The following GLUL variants were observed in gnomAD, a reference collection of about 807,000 sequenced individuals.
GLUL encodes the protein glutamine synthetase.
In GLUL, 8 loss-of-function variants were observed where a neutral mutation model predicts 36.9. The observed-to-expected ratio is 0.22, with a 90% confidence interval of 0.13 to 0.39. The LOEUF (loss-of-function observed/expected upper bound fraction) is 0.39, where lower values mean the gene tolerates loss of function less well. Ranked by LOEUF, GLUL falls within the 10% of genes least tolerant of loss-of-function variation. The pLI is 1.00. For missense variants in GLUL, 315 were observed against 501.8 expected (o/e 0.63, Z 3.56); for synonymous variants, 182 against 172.8 (o/e 1.05, Z -0.42).
rs930734751 is a variant in GLUL, at chr1:182,380,024, A to G, written c.*4381T>C. Among the ~76,000 whole-genome samples the G allele has an allele frequency of 6.6e-6, 1 of 151,072 alleles. No homozygotes were observed. The highest frequency in any genetic ancestry group is 1.5e-5 in the Non-Finnish European group (1 of 67,838). On this transcript the variant is annotated 3_prime_UTR_variant, in exon 7 of 7. Coordinates refer to ENST00000331872, the MANE Select transcript of GLUL (RefSeq NM_001033044.4). ...CACGCCCGGCTAATTTTTTGTATTT[A>G]GTAGAGACACAGCTTGTTTCACCAT...
Position 182,384,784 on chromosome 1 carries a change from A to C in GLUL, c.804-61T>G, listed in dbSNP as rs1650099590. On this transcript the variant is annotated intron_variant, in intron 6 of 6. Transcript: ENST00000331872. ...TCTCCAGGTATGGAGCCAAGAATGAAGTGCACCAAAATATGATACCAGTAG... is the reference window on the plus strand; with the variant it reads ...TCTCCAGGTATGGAGCCAAGAATGACGTGCACCAAAATATGATACCAGTAG... 3.3e-6 allele frequency: 4 copies of C among 1,223,692 alleles called. No individual in the cohort carries two copies. In the East Asian group the frequency reaches 9.3e-5, roughly 28 times the overall value. The allele number at this position is 1,223,692 out of a possible 1,614,324, so 75.8% of individuals were successfully genotyped here.
intron 4 of GLUL, 50 bp downstream of exon 4, chr1:182,386,206 G>T: frequency 6.5e-7 from 1 of 1,548,958 alleles, no homozygotes; most frequent in Non-Finnish European, 8.9e-7. Context: ...GGGCATTCCT[G>T]CACAGTTAGA....
rs916657978 is a variant in GLUL at position 182,381,953 on chromosome 1, C to G, written c.*2452G>C. On this transcript the variant is annotated 3_prime_UTR_variant, in exon 7 of 7. Transcript: ENST00000331872. ...CCAGCAAGCTAATAGGTAGATGACT[C>G]TACTTTGAATATTAAATCATATTAC... 7.9e-5 allele frequency: 12 copies of G among 152,180 alleles called. No homozygotes were observed. Among genetic ancestry groups the G allele is most frequent in the African/African-American group, 2.9e-4 (12 of 41,446 alleles). The allele number at this position is 152,180 out of a possible 1,614,324, so 9.4% of individuals were successfully genotyped here.
chr1:182,389,841 A>AT (rs1429703238), intron 1 of GLUL: 1 of 152,336 alleles, frequency 6.6e-6, no homozygotes, highest in Non-Finnish European at 1.5e-5. Flanking sequence ...AGCTGAAAAC[A>AT]TAACTGCTTC....
At position 182,379,249 on chromosome 1, in the gene GLUL, G is replaced by A. The variant is rs995502659; in HGVS notation, c.*5156C>T. Among the ~76,000 whole-genome samples, 5 of 152,040 alleles carry A rather than the reference G, an allele frequency of 3.3e-5. No individual in the cohort carries two copies. Among genetic ancestry groups the A allele is most frequent in the Admixed American group, 3.3e-4 (5 of 15,262 alleles). ...TATTTATTTGTTTATTTTTTGATAT[G>A]TCTCACTCTTTTGCCCAGGCTGGAG... On this transcript the variant is annotated 3_prime_UTR_variant, in exon 7 of 7. Coordinates refer to ENST00000331872, the MANE Select transcript of GLUL (RefSeq NM_001033044.4).
Position 182,387,161 on chromosome 1 carries a change from C to T in GLUL, c.298G>A (p.Glu100Lys). 6.2e-7 allele frequency: 1 copy of T among 1,613,998 alleles called. No individual in the cohort carries two copies. Among genetic ancestry groups the T allele is most frequent in the Non-Finnish European group, 8.5e-7 (1 of 1,179,888 alleles). ...RKDPNKLVLCEVFKYNRRPAE... is the reference protein window; with the variant it reads ...RKDPNKLVLCKVFKYNRRPAE... ...GGCCTTCGATTGTACTTGAAAACTT[C>T]ACATAACACCAGCTTGTTAGGGTCC... Residue 100 changes from glutamate (E) to lysine (K), a missense_variant, in exon 3 of 7, where the codon GAA becomes AAA. Coordinates refer to ENST00000331872, the MANE Select transcript of GLUL (RefSeq NM_001033044.4).
intron 3 of GLUL, 180 bp downstream of exon 3, chr1:182,386,951 A>G: frequency 1.5e-6 from 1 of 669,248 alleles, no homozygotes. Context: ...AAGACCATAG[A>G]AAGATGGGCC....
intron 1 of GLUL, chr1:182,389,690 A>G (rs1650326779): frequency 6.6e-6 from 1 of 152,282 alleles, no homozygotes; most frequent in Non-Finnish European, 1.5e-5. Context: ...CAACAGCCGA[A>G]GAGGAAACAT....
chr1:182,391,097 C>A (rs1235879470), intron 1 of GLUL: 2 of 398,428 alleles, frequency 5.0e-6, no homozygotes, highest in East Asian at 3.6e-5. Context: ...CGCCGAGGCC[C>A]GGGCTCTCCA....
chr1:182,383,612 G>A lies in GLUL; in HGVS notation c.*793C>T, dbSNP rs1472322876. 1 of 152,228 alleles carries A rather than the reference G, an allele frequency of 6.6e-6. No homozygotes were observed. Among genetic ancestry groups the A allele is most frequent in the Admixed American group, 6.5e-5 (1 of 15,284 alleles). 9.4% of individuals were successfully genotyped at this position (152,228 alleles called of 1,614,324 possible). A position where few individuals can be genotyped will look rare whatever the true frequency, so the allele number is the denominator to read the frequency against. On this transcript the variant is annotated 3_prime_UTR_variant, in exon 7 of 7. Transcript: ENST00000331872. ...ACTTCCCTTGCTCTCTACTCAAAAT[G>A]AGATGCTTTATTTCTAATCCGACTA...
Position 182,384,641 on chromosome 1 carries a change from T to C in GLUL, c.886A>G (p.Asn296Asp). ...RAYDPKGGLD[N>D]ARRLTGFHET... ...TGGAATCCAGTTAGACGTCGGGCATTGTCCAGGCCTCCCTTGGGATCATAG... is the reference window on the plus strand; with the variant it reads ...TGGAATCCAGTTAGACGTCGGGCATCGTCCAGGCCTCCCTTGGGATCATAG... The change falls in exon 7 of 7, where the codon AAT becomes GAT. Residue 296 changes from asparagine (N) to aspartate (D), a missense_variant. Physicochemically the swap from Asn to Asp is conservative, Grantham distance 23. Around this residue, in one of 3 missense-constraint regions of GLUL, gnomAD observed 256 missense variants for 396.1 expected, o/e 0.65. Transcript: ENST00000331872. The C allele has an allele frequency of 6.2e-7, 1 of 1,614,150 alleles. No individual in the cohort carries two copies. Among genetic ancestry groups the C allele is most frequent in the East Asian group, 2.2e-5 (1 of 44,886 alleles).
In GLUL at chr1:182,381,967, A is replaced by C. The variant is rs1649945968; in HGVS notation, c.*2438T>G. ...GGTAGATGACTCTACTTTGAATATT[A>C]AATCATATTACGAGCCAACTTTCTT... On this transcript the variant is annotated 3_prime_UTR_variant, in exon 7 of 7. Coordinates refer to ENST00000331872, the MANE Select transcript of GLUL (RefSeq NM_001033044.4). The C allele has an allele frequency of 6.6e-6, 1 of 152,256 alleles. No individual in the cohort carries two copies. Among genetic ancestry groups the C allele is most frequent in the African/African-American group, 2.4e-5 (1 of 41,470 alleles). The allele number at this position is 152,256 out of a possible 1,614,324, so 9.4% of individuals were successfully genotyped here.
At position 182,382,475 on chromosome 1, in the gene GLUL, G is replaced by C. The variant is rs904344194; in HGVS notation, c.*1930C>G. On this transcript the variant is annotated 3_prime_UTR_variant, in exon 7 of 7. Transcript: ENST00000331872. ...TGGAAGGCTTCAACCAGGGTAGCAG[G>C]GTAGCTAATATTTGTTTCTTATCAC... 5 of 105,662 alleles carry C rather than the reference G, an allele frequency of 4.7e-5. No individual in the cohort carries two copies. Among genetic ancestry groups the C allele is most frequent in the African/African-American group, 1.7e-4 (4 of 23,778 alleles). 6.5% of individuals were successfully genotyped at this position (105,662 alleles called of 1,614,324 possible). A position where few individuals can be genotyped will look rare whatever the true frequency, so the allele number is the denominator to read the frequency against.
rs1649816686 is a variant in GLUL at position 182,378,666 on chromosome 1, T to C, written c.*5739A>G. 6.6e-6 allele frequency among the ~76,000 whole-genome samples: 1 copy of C among 152,252 alleles called. No individual in the cohort carries two copies. The highest frequency in any genetic ancestry group is 1.5e-5 in the Non-Finnish European group (1 of 68,050). ...GTATCTTGGGCAAAAGACATATGTATTGTGCTTGTATTGTGTATCTAATGT... is the reference window on the plus strand; with the variant it reads ...GTATCTTGGGCAAAAGACATATGTACTGTGCTTGTATTGTGTATCTAATGT... On this transcript the variant is annotated 3_prime_UTR_variant, in exon 7 of 7. Coordinates refer to ENST00000331872, the MANE Select transcript of GLUL (RefSeq NM_001033044.4).
At position 182,383,288 on chromosome 1, in the gene GLUL, A is replaced by G. The variant is rs957044989; in HGVS notation, c.*1117T>C. The G allele has an allele frequency of 5.3e-5, 8 of 152,232 alleles. No individual in the cohort carries two copies. The highest frequency in any genetic ancestry group is 1.2e-4 in the Non-Finnish European group (8 of 68,038). The allele number at this position is 152,232 out of a possible 1,614,324, so 9.4% of individuals were successfully genotyped here. A position where few individuals can be genotyped will look rare whatever the true frequency, so the allele number is the denominator to read the frequency against. ...AAATTTGATTAAAATCTAAACTTCT[A>G]TAATTTTGCTTTTTAAAAAATTTAA... On this transcript the variant is annotated 3_prime_UTR_variant, in exon 7 of 7. Coordinates refer to ENST00000331872, the MANE Select transcript of GLUL (RefSeq NM_001033044.4).
At chr1:182,385,581 A>T (rs768051332) in intron 5 of GLUL, 25 bp from the exon 6 acceptor site, 3 of 1,606,826 alleles carry the variant, frequency 1.9e-6, no homozygotes, top group Admixed American at 3.3e-5. Flanking sequence ...CTTGGCCATT[A>T]AAACAAAGCT....
rs538544241 is a variant in GLUL at position 182,378,773 on chromosome 1, T to C, written c.*5632A>G. 2.0e-5 allele frequency among the ~76,000 whole-genome samples: 3 copies of C among 152,316 alleles called. No homozygotes were observed. The highest frequency in any genetic ancestry group is 7.2e-5 in the African/African-American group (3 of 41,544). ...GGACATATATCTGCATATTGTAAAA[T>C]GAAATAGAATTTTTTTTTTCTTGAG... On this transcript the variant is annotated 3_prime_UTR_variant, in exon 7 of 7. Coordinates refer to ENST00000331872, the MANE Select transcript of GLUL (RefSeq NM_001033044.4).
At chr1:182,389,923 G>C (rs1314149090) in intron 1 of GLUL, 1 of 152,254 alleles carries the variant, frequency 6.6e-6, no homozygotes, top group Non-Finnish European at 1.5e-5. Flanking sequence ...GACTCAGCCG[G>C]CCAAATCCTA....
chr1:182,391,401 T>G (rs561109038), intron 1 of GLUL: 1 of 395,708 alleles, frequency 2.5e-6, no homozygotes, highest in Non-Finnish European at 4.4e-6. Context: ...CGGCCGCAAG[T>G]AGTGAAAAGA....
Sources: allele counts gnomAD v4.1 joint callset (sites outside exome capture counted in the v4.1 genomes callset), GRCh38; gene constraint gnomAD v4.1.1; regional missense constraint gnomAD v4.1.1; transcripts MANE v1.5; gene names NCBI Gene and HGNC (gene_info 2026-07-23, HGNC 2026-07-21).